The following MAP3K20 variants were observed in gnomAD, a reference collection of about 807,000 sequenced individuals.
MAP3K20 encodes mitogen-activated protein kinase kinase kinase 20.
A neutral mutation model predicts 85.7 loss-of-function variants in MAP3K20; 40 were observed. That is an observed-to-expected ratio of 0.47 (90% CI 0.36 to 0.61). MAP3K20 has a LOEUF of 0.61. Ranked by LOEUF, MAP3K20 falls within the 20% of genes least tolerant of loss-of-function variation. MAP3K20 has a pLI of 0.00. For missense variants in MAP3K20, 817 were observed against 961.7 expected (o/e 0.85, Z 1.99); for synonymous variants, 325 against 327.7 (o/e 0.99, Z 0.09).
At chr2:173,209,199 C>A (rs958284317) in intron 9 of MAP3K20, among the ~76,000 whole-genome samples, 1 of 152,050 alleles carries the variant, frequency 6.6e-6, no homozygotes, top group Admixed American at 6.5e-5. Flanking sequence ...CAGCATAGTA[C>A]CTGAATTTTT....
At chr2:173,107,845 C>T (rs1019572768) in intron 2 of MAP3K20, among the ~76,000 whole-genome samples, 22 of 152,244 alleles carry the variant, frequency 1.4e-4, no homozygotes, top group Admixed American at 5.2e-4. Flanking sequence ...GCTCTCAGTG[C>T]GTGTTACCTG....
At chr2:173,223,783 C>G (rs909234078) in intron 11 of MAP3K20, 1 of 985,290 alleles carries the variant, frequency 1.0e-6, no homozygotes, top group Non-Finnish European at 1.2e-6. Context: ...TACATGAACA[C>G]AGCCTGTCTG....
intron 5 of MAP3K20, among the ~76,000 whole-genome samples, chr2:173,188,085 T>C (rs2106271415): frequency 6.6e-6 from 1 of 152,358 alleles, no homozygotes; most frequent in African/African-American, 2.4e-5. Context: ...ATGCCAGTCA[T>C]GCCTGTATTA....
chr2:173,190,338 C>T (rs1293819559), intron 5 of MAP3K20, among the ~76,000 whole-genome samples: 1 of 152,148 alleles, frequency 6.6e-6, no homozygotes, highest in Non-Finnish European at 1.5e-5. Flanking sequence ...AATTGTCTCT[C>T]TGATAAGAAT....
chr2:173,092,856 G>A (rs1393757197), intron 2 of MAP3K20, among the ~76,000 whole-genome samples: 3 of 152,084 alleles, frequency 2.0e-5, no homozygotes, highest in Non-Finnish European at 4.4e-5. Context: ...AAATGACATA[G>A]GAAAGTGCAG....
At chr2:173,240,255 G>A (rs903011880) in intron 16 of MAP3K20, among the ~76,000 whole-genome samples, 5 of 152,164 alleles carry the variant, frequency 3.3e-5, no homozygotes, top group African/African-American at 4.8e-5. Flanking sequence ...TCTCAGAACC[G>A]AAGTTCTTAA....
intron 16 of MAP3K20, among the ~76,000 whole-genome samples, chr2:173,245,725 A>G (rs746521738): frequency 1.3e-5 from 2 of 152,198 alleles, no homozygotes; most frequent in African/African-American, 2.4e-5. Context: ...TGAGGTTAGG[A>G]GTTCGAGGCC....
intron 2 of MAP3K20, among the ~76,000 whole-genome samples, chr2:173,147,427 G>C (rs571170582): frequency 6.6e-6 from 1 of 152,184 alleles, no homozygotes; most frequent in East Asian, 1.9e-4. Flanking sequence ...TATTAGCCAG[G>C]ATATGTCATA....
chr2:173,150,316 T>C (rs1166778020), intron 2 of MAP3K20, among the ~76,000 whole-genome samples: 3 of 152,198 alleles, frequency 2.0e-5, no homozygotes, highest in Non-Finnish European at 4.4e-5. Context: ...ATCTTGGTCT[T>C]TGGATTTAGA....
intron 2 of MAP3K20, among the ~76,000 whole-genome samples, chr2:173,154,486 A>G (rs888195940): frequency 2.6e-5 from 4 of 152,128 alleles, no homozygotes; most frequent in African/African-American, 9.7e-5. Context: ...GCCCAGCCTA[A>G]TCCATTCTTC....
intron 2 of MAP3K20, among the ~76,000 whole-genome samples, chr2:173,145,659 T>C (rs1174751926): frequency 2.0e-5 from 3 of 152,112 alleles, no homozygotes; most frequent in Admixed American, 2.0e-4. Flanking sequence ...TCATATGTTT[T>C]TGGGGGGAGT....
At chr2:173,171,665 A>G (rs1378800127) in intron 3 of MAP3K20, among the ~76,000 whole-genome samples, 2 of 152,174 alleles carry the variant, frequency 1.3e-5, no homozygotes, top group African/African-American at 2.4e-5. Flanking sequence ...AGACTAGTCA[A>G]TCCTTTATTT....
At chr2:173,206,909 T>C (rs1428388379) in intron 9 of MAP3K20, among the ~76,000 whole-genome samples, 1 of 147,176 alleles carries the variant, frequency 6.8e-6, no homozygotes, top group African/African-American at 2.5e-5. Flanking sequence ...TATGCACATA[T>C]GTAGAGCAAT....
chr2:173,241,572 G>GCC (rs1684784708), intron 16 of MAP3K20, among the ~76,000 whole-genome samples: 1 of 152,132 alleles, frequency 6.6e-6, no homozygotes, highest in African/African-American at 2.4e-5. Context: ...CCAAAACTGT[G>GCC]CCACTGCACT....
chr2:173,224,724 T>G, intron 11 of MAP3K20: 2 of 985,458 alleles, frequency 2.0e-6, no homozygotes, highest in Non-Finnish European at 2.4e-6. Flanking sequence ...TTCTAGTGGT[T>G]TGAAAATGTT....
intron 7 of MAP3K20, among the ~76,000 whole-genome samples, chr2:173,194,558 A>G (rs1690763372): frequency 6.6e-6 from 1 of 152,160 alleles, no homozygotes; most frequent in African/African-American, 2.4e-5. Flanking sequence ...ATAAACTTGG[A>G]AAATGATACC....
chr2:173,109,748 G>A (rs569507193), intron 2 of MAP3K20, among the ~76,000 whole-genome samples: 4 of 152,180 alleles, frequency 2.6e-5, no homozygotes. Flanking sequence ...AGAAGGGCCC[G>A]CTATTTGTGT....
intron 2 of MAP3K20, among the ~76,000 whole-genome samples, chr2:173,142,282 C>T (rs1559249481): frequency 6.6e-6 from 1 of 152,136 alleles, no homozygotes; most frequent in South Asian, 2.1e-4. Context: ...ACCATCCTGG[C>T]TAACATGGTA....
chr2:173,115,696 C>A (rs1427963759), intron 2 of MAP3K20, among the ~76,000 whole-genome samples: 1 of 152,136 alleles, frequency 6.6e-6, no homozygotes, highest in Non-Finnish European at 1.5e-5. Context: ...CTGGGTCTAG[C>A]CACTCAGCAA....
Sources: gnomAD v4.1 joint callset for allele counts (sites outside exome capture counted in the v4.1 genomes callset) on GRCh38, gnomAD v4.1.1 for gene constraint, MANE v1.5 for transcripts, NCBI Gene and HGNC (gene_info 2026-07-23, HGNC 2026-07-21) for gene names.